The following PHLPP1 variants were observed in gnomAD, a reference collection of about 807,000 sequenced individuals.
PHLPP1 encodes PH domain and leucine rich repeat protein phosphatase 1, also known as PH domain leucine-rich repeat-containing protein phosphatase 1.
PHLPP1 carries 42 observed loss-of-function variants against 117.2 expected under a neutral mutation model. That is an observed-to-expected ratio of 0.36 (90% CI 0.28 to 0.46). The LOEUF is 0.46. Ranked by LOEUF, PHLPP1 falls within the 20% of genes least tolerant of loss-of-function variation. The probability of loss-of-function intolerance (pLI) is 1.00; values close to 1 mark genes in which losing one functional copy is unlikely to be tolerated. For missense variants in PHLPP1, 2,084 were observed against 2,241.9 expected (o/e 0.93, Z 1.42); for synonymous variants, 1,042 against 970.7 (o/e 1.07, Z -1.37).
At chr18:62,873,518 A>AAT (rs958821247) in intron 4 of PHLPP1, among the ~76,000 whole-genome samples, 4 of 152,246 alleles carry the variant, frequency 2.6e-5, no homozygotes, top group Non-Finnish European at 5.9e-5. Flanking sequence ...TATCGCTTCC[A>AAT]TTAATAAAGG....
Position 62,978,358 on chromosome 18 carries a change from C to T in PHLPP1, c.4081C>T (p.Leu1361Phe). 2 of 1,612,572 alleles carry T rather than the reference C, an allele frequency of 1.2e-6. No individual in the cohort carries two copies. The highest frequency in any genetic ancestry group is 1.7e-5 in the Admixed American group (1 of 59,902). ...GCCTCGCCCCCACGTGCAGTCCGTGCTCCTGACTCCCCAGGATGAGTTCTT... is the reference window on the plus strand; with the variant it reads ...GCCTCGCCCCCACGTGCAGTCCGTGTTCCTGACTCCCCAGGATGAGTTCTT... ...VVPRPHVQSV[L>F]LTPQDEFFIL... Residue 1361 changes from leucine (L) to phenylalanine (F), a missense_variant, in exon 17 of 17, where the codon CTC becomes TTC. Leu to Phe is a conservative substitution (Grantham distance 22). Coordinates refer to ENST00000262719, the MANE Select transcript of PHLPP1 (RefSeq NM_194449.4). This position sits in a 1 kb window ranked among gnomAD's most constrained non-coding sequence, Gnocchi z 7.0.
chr18:62,874,653 G>C (rs1479596259), intron 4 of PHLPP1, among the ~76,000 whole-genome samples: 1 of 63,274 alleles, frequency 1.6e-5, no homozygotes, highest in Non-Finnish European at 3.5e-5. Context: ...GCGCACGCAC[G>C]CGCGCACACA....
intron 4 of PHLPP1, among the ~76,000 whole-genome samples, chr18:62,862,289 C>G (rs2144363503): frequency 6.6e-6 from 1 of 152,080 alleles, no homozygotes; most frequent in Non-Finnish European, 1.5e-5. Flanking sequence ...CCATGTTGGC[C>G]AGTCTGGTCT....
chr18:62,834,951 G>A (rs371791742), intron 2 of PHLPP1, among the ~76,000 whole-genome samples: 238 of 151,716 alleles, frequency 1.6e-3, no homozygotes, highest in African/African-American at 5.3e-3. Context: ...TTAAAAAATC[G>A]TATTTTCTGT....
intron 1 of PHLPP1, among the ~76,000 whole-genome samples, chr18:62,721,272 A>AC (rs1205894033): frequency 6.6e-6 from 1 of 152,178 alleles, no homozygotes; most frequent in African/African-American, 2.4e-5. Context: ...CTGGTTGCAA[A>AC]TAGTCATGCT....
At chr18:62,964,382 C>A (rs1454907204) in intron 14 of PHLPP1, among the ~76,000 whole-genome samples, 2 of 152,150 alleles carry the variant, frequency 1.3e-5, no homozygotes, top group African/African-American at 4.8e-5. Context: ...TTGAGAACCA[C>A]CGACTAGCTG....
chr18:62,754,149 G>A (rs1383671096), intron 1 of PHLPP1, among the ~76,000 whole-genome samples: 1 of 152,138 alleles, frequency 6.6e-6, no homozygotes, highest in African/African-American at 2.4e-5. Flanking sequence ...TTAGATTCTG[G>A]CCTCTCAGTT....
At chr18:62,941,985 G>A (rs888383445) in intron 11 of PHLPP1, 67 bp downstream of exon 11, 10 of 1,272,116 alleles carry the variant, frequency 7.9e-6, no homozygotes, top group African/African-American at 4.4e-5. Flanking sequence ...GAAAGGTGAA[G>A]GCTGAAATAT....
At chr18:62,927,200 A>G (rs573231103) in intron 10 of PHLPP1, among the ~76,000 whole-genome samples, 1 of 152,340 alleles carries the variant, frequency 6.6e-6, no homozygotes, top group African/African-American at 2.4e-5. Flanking sequence ...AGTCCAAACA[A>G]AGAGATCCCT....
chr18:62,929,420 A>G (rs1460977112), intron 10 of PHLPP1, among the ~76,000 whole-genome samples: 1 of 152,212 alleles, frequency 6.6e-6, no homozygotes, highest in Non-Finnish European at 1.5e-5. Flanking sequence ...CAGTAGCCAC[A>G]TGTAATAGTG....
intron 1 of PHLPP1, chr18:62,779,648 T>C (rs1025397436): frequency 3.3e-5 from 5 of 152,146 alleles, no homozygotes; most frequent in East Asian, 1.9e-4. Context: ...AATTTAATTA[T>C]GGTAGAAACA....
chr18:62,715,779 A>C lies in PHLPP1; in HGVS notation c.96A>C (p.Ala32=). ...SAPAAAAAAA[A]AAAAAAAALA... Reference sequence around the variant, plus strand: ...CGGCGGCCGCCGCTGCGGCAGCAGCAGCAGCAGCGGCGGCCGCGGCGGCTC... The same window carrying C: ...CGGCGGCCGCCGCTGCGGCAGCAGCCGCAGCAGCGGCGGCCGCGGCGGCTC... Residue 32 remains alanine (A), a synonymous_variant, in exon 1 of 17, where the codon GCA becomes GCC. Coordinates refer to ENST00000262719, the MANE Select transcript of PHLPP1 (RefSeq NM_194449.4). 1.3e-6 allele frequency: 1 copy of C among 745,638 alleles called. No individual in the cohort carries two copies. The highest frequency in any genetic ancestry group is 1.7e-6 in the Non-Finnish European group (1 of 604,504). The allele number at this position is 745,638 out of a possible 1,614,324, so 46.2% of individuals were successfully genotyped here.
intron 4 of PHLPP1, among the ~76,000 whole-genome samples, chr18:62,869,816 A>G (rs1482679310): frequency 3.3e-5 from 5 of 152,154 alleles, no homozygotes; most frequent in African/African-American, 9.7e-5. Context: ...GGGACTTCCT[A>G]TGTGGTATCG....
chr18:62,883,959 A>G (rs949538966), intron 4 of PHLPP1, among the ~76,000 whole-genome samples: 2 of 152,254 alleles, frequency 1.3e-5, no homozygotes, highest in Non-Finnish European at 2.9e-5. Context: ...TTAGGCACCA[A>G]TAAGTACTGT....
At chr18:62,824,883 C>G (rs922897134) in intron 1 of PHLPP1, among the ~76,000 whole-genome samples, 2 of 151,626 alleles carry the variant, frequency 1.3e-5, no homozygotes, top group African/African-American at 2.4e-5. Context: ...AATGGACCAC[C>G]CCCACCCCCC....
At chr18:62,772,465 C>T (rs187111620) in intron 1 of PHLPP1, among the ~76,000 whole-genome samples, 19 of 152,114 alleles carry the variant, frequency 1.2e-4, no homozygotes, top group Admixed American at 1.2e-3. Context: ...CATAACATAT[C>T]TTGGGTTGAT....
At chr18:62,878,374 CCT>C (rs1191384353) in intron 4 of PHLPP1, among the ~76,000 whole-genome samples, 1 of 152,162 alleles carries the variant, frequency 6.6e-6, no homozygotes, top group East Asian at 1.9e-4. Flanking sequence ...TCCTCTCCTC[CCT>C]CTCTCTGCTA....
chr18:62,771,062 A>G (rs998324412), intron 1 of PHLPP1, among the ~76,000 whole-genome samples: 1 of 152,046 alleles, frequency 6.6e-6, no homozygotes, highest in African/African-American at 2.4e-5. Context: ...AAAAATACAA[A>G]AATGAACTGG....
intron 1 of PHLPP1, among the ~76,000 whole-genome samples, chr18:62,727,940 C>T (rs1277104704): frequency 1.3e-5 from 2 of 151,878 alleles, no homozygotes; most frequent in Non-Finnish European, 2.9e-5. Context: ...GGGAGGGGGG[C>T]TGGAATATAA....
Sources: gnomAD v4.1 joint callset for allele counts (sites outside exome capture counted in the v4.1 genomes callset) on GRCh38, gnomAD v4.1.1 for gene constraint, Gnocchi (gnomAD v3.1) non-coding constraint, MANE v1.5 for transcripts, NCBI Gene and HGNC (gene_info 2026-07-23, HGNC 2026-07-21) for gene names.